Variants in CSAD observed in about 807,000 individuals in gnomAD.
The protein encoded by CSAD is cysteine sulfinic acid decarboxylase.
Under a neutral mutation model 61.5 loss-of-function variants are expected in CSAD, and 47 were observed. That is an observed-to-expected ratio of 0.76 (90% confidence interval 0.60 to 0.97). The LOEUF is 0.97. Among genes scored for constraint, CSAD ranks in the 50% least tolerant of loss-of-function variants. The pLI, the probability that CSAD is intolerant of heterozygous loss-of-function variation, is 0.00. For missense variants in CSAD, 611 were observed against 643.6 expected, an observed-to-expected ratio of 0.95 and a Z score of 0.55; for synonymous variants, 245 against 252.7, an observed-to-expected ratio of 0.97 and a Z score of 0.29.
intron 9 of CSAD, 146 bp from the exon 10 acceptor site, chr12:53,170,272 C>A: frequency 1.0e-6 from 1 of 981,150 alleles, no homozygotes; most frequent in Non-Finnish European, 1.6e-6. Flanking sequence ...GAGACGCTGG[C>A]AGGCTCTGGT....
chr12:53,180,066 C>G (rs1421189695), intron 1 of CSAD: 2 of 1,403,272 alleles, frequency 1.4e-6, no homozygotes, highest in African/African-American at 2.9e-5. Flanking sequence ...CCTCGGGATT[C>G]GCAGAGGAGG....
At chr12:53,158,833 G>A (rs1211343327) in intron 16 of CSAD, 149 bp from the exon 17 acceptor site, 2 of 684,548 alleles carry the variant, frequency 2.9e-6, no homozygotes, top group African/African-American at 1.8e-5. Flanking sequence ...CCTTGACCTT[G>A]GCCTCAGTTT....
At chr12:53,180,348 G>T (rs543838715) in intron 1 of CSAD, 1 of 985,382 alleles carries the variant, frequency 1.0e-6, no homozygotes, top group East Asian at 1.1e-4. Context: ...TGGGCAGGAC[G>T]TCCGCGAGGA....
chr12:53,175,484 C>G (rs1436101217), intron 2 of CSAD, among the ~76,000 whole-genome samples: 1 of 152,142 alleles, frequency 6.6e-6, no homozygotes, highest in Non-Finnish European at 1.5e-5. Flanking sequence ...GGCTCCACAC[C>G]CACATTAATA....
chr12:53,163,954 A>G (rs541732237), intron 10 of CSAD, among the ~76,000 whole-genome samples: 359 of 152,346 alleles, frequency 2.4e-3, no homozygotes, highest in Non-Finnish European at 3.3e-3. Flanking sequence ...TAACCCTCAC[A>G]TTTACAGTCA....
chr12:53,158,923 G>A (rs539189912), intron 16 of CSAD, among the ~76,000 whole-genome samples: 1 of 152,294 alleles, frequency 6.6e-6, no homozygotes, highest in South Asian at 2.1e-4. Flanking sequence ...CAAGAAATCT[G>A]TCCTGTGGGA....
At chr12:53,160,453 C>A (rs1939152901) in intron 13 of CSAD, 134 bp from the exon 14 acceptor site, 1 of 900,554 alleles carries the variant, frequency 1.1e-6, no homozygotes, top group Non-Finnish European at 1.7e-6. Flanking sequence ...GGGACGGCTG[C>A]CTGCTGGCTC....
rs932880621 is a variant in CSAD, at chr12:53,160,747, G to T, written c.966+16C>A. 4 of 1,548,494 alleles carry T rather than the reference G, an allele frequency of 2.6e-6. No homozygotes were observed. The Admixed American group carries it at 5.9e-5, about 23-fold the overall frequency. ...AGAGAGAGGTGGGGCTGGTGCAGGG[G>T]CAGGGGCAGACCCACCGAGGTATCC... is the stretch of plus-strand genomic sequence containing the variant. On this transcript the variant is annotated intron_variant, in intron 13 of 16. Coordinates refer to ENST00000444623, the MANE Select transcript of CSAD (RefSeq NM_001244705.2).
chr12:53,161,132 G>T lies in CSAD; in HGVS notation c.879C>A (p.Ile293=). 6.2e-7 allele frequency: 1 copy of T among 1,613,994 alleles called. No individual in the cohort carries two copies. The highest frequency in any genetic ancestry group is 8.5e-7 in the Non-Finnish European group (1 of 1,179,902). ...AAGAAGGGGACTGTATGCACCTCTG[G>T]ATCCCATCCAGGAGATGCCTGTGTG... ...SQTHRHLLDG[I]QRADSVAWNP... is the part of the protein sequence containing the mutation. Residue 293 remains isoleucine (I), a synonymous_variant, in exon 12 of 17, where the codon ATC becomes ATA. Coordinates refer to ENST00000444623, the MANE Select transcript of CSAD (RefSeq NM_001244705.2).
chr12:53,178,525 C>T (rs373154734), intron 2 of CSAD: 1 of 301,460 alleles, frequency 3.3e-6, no homozygotes, highest in Non-Finnish European at 6.7e-6. Flanking sequence ...GGTGTGGTGG[C>T]TCACACCTGG....
intron 3 of CSAD, 56 bp downstream of exon 3, chr12:53,173,672 G>A (rs770305069): frequency 8.8e-5 from 128 of 1,458,760 alleles, no homozygotes; most frequent in Admixed American, 2.2e-4. Context: ...AAGGCAGTCA[G>A]TGCTGAGCAA....
intron 4 of CSAD, 112 bp downstream of exon 4, chr12:53,173,221 AAAGGAAAAAAGG>A (rs1449476908): frequency 4.2e-5 from 39 of 921,658 alleles, no homozygotes; most frequent in Non-Finnish European, 6.2e-5. Context: ...AGAAAGGAAG[AAAGGAAAAAAGG>A]AAGGAAGAAA....
chr12:53,170,188 T>C, intron 9 of CSAD, 62 bp from the exon 10 acceptor site: 3 of 1,491,704 alleles, frequency 2.0e-6, no homozygotes, highest in Non-Finnish European at 2.8e-6. Flanking sequence ...CAGGGTAAGG[T>C]GGGGTTAGCA....
chr12:53,180,488 GCGCGCCCCGGCCA>G (rs1941498957), intron 1 of CSAD: 1 of 1,224,030 alleles, frequency 8.2e-7, no homozygotes, highest in East Asian at 6.7e-5. Flanking sequence ...GGCGGCCGGG[GCGCGCCCCGGCCA>G]CGGCGCACGC....
intron 10 of CSAD, among the ~76,000 whole-genome samples, chr12:53,162,869 C>T (rs1939451602): frequency 6.6e-6 from 1 of 152,010 alleles, no homozygotes; most frequent in South Asian, 2.1e-4. Flanking sequence ...CGAGACTAGC[C>T]TGACCAACAT....
In CSAD at chr12:53,180,848, G is replaced by T. The variant is rs1941556251; in HGVS notation, c.-207C>A. 1.6e-6 allele frequency: 2 copies of T among 1,267,290 alleles called. No homozygotes were observed. Among genetic ancestry groups the T allele is most frequent in the Non-Finnish European group, 1.0e-6 (1 of 980,488 alleles). 78.5% of individuals were successfully genotyped at this position (1,267,290 alleles called of 1,614,324 possible). On this transcript the variant is annotated 5_prime_UTR_variant, in exon 1 of 17. Coordinates refer to ENST00000444623, the MANE Select transcript of CSAD (RefSeq NM_001244705.2). ...GGCCGCGCCTGGCAGGTAGGAGCAA[G>T]CCCCAAAGACCGCAGCGTCGTCCGT...
chr12:53,159,023 C>G (rs1234470818), intron 16 of CSAD, among the ~76,000 whole-genome samples: 1 of 152,148 alleles, frequency 6.6e-6, no homozygotes, highest in Non-Finnish European at 1.5e-5. Flanking sequence ...TAGTCAACAC[C>G]TTCTTCTCCC....
intron 10 of CSAD, among the ~76,000 whole-genome samples, chr12:53,168,489 A>G (rs1378585743): frequency 3.9e-5 from 6 of 152,230 alleles, no homozygotes; most frequent in South Asian, 2.1e-4. Context: ...GGTAACATCC[A>G]TATATCAATA....
chr12:53,170,410 G>C lies in CSAD; in HGVS notation c.647+13C>G. On this transcript the variant is annotated intron_variant, in intron 9 of 16. Transcript: ENST00000444623. ...AAGCTAGGTCACAGCCATGTGGGCAGAAGGACCTTCACCTCTCATCAGCCT... is the reference window on the plus strand; with the variant it reads ...AAGCTAGGTCACAGCCATGTGGGCACAAGGACCTTCACCTCTCATCAGCCT... 2 of 1,612,250 alleles carry C rather than the reference G, an allele frequency of 1.2e-6. No individual in the cohort carries two copies. Among genetic ancestry groups the C allele is most frequent in the Non-Finnish European group, 1.7e-6 (2 of 1,178,282 alleles).
Sources: gnomAD v4.1 joint callset for allele counts (sites outside exome capture counted in the v4.1 genomes callset) on GRCh38, gnomAD v4.1.1 for gene constraint, MANE v1.5 for transcripts, NCBI Gene and HGNC (gene_info 2026-07-23, HGNC 2026-07-21) for gene names.